The following CNTN5 variants were observed in gnomAD, a reference collection of about 807,000 sequenced individuals.
CNTN5 encodes contactin-5.
CNTN5 carries 77 observed loss-of-function variants against 129.1 expected under a neutral mutation model. The observed-to-expected ratio is 0.60, with a 90% CI of 0.50 to 0.72. The LOEUF is 0.72. Among genes scored for constraint, CNTN5 ranks in the 30% least tolerant of loss-of-function variants. The probability of loss-of-function intolerance (pLI) is 0.00; values close to 1 mark genes in which losing one functional copy is unlikely to be tolerated. For synonymous variants in CNTN5, 509 were observed against 465.6 expected, an observed-to-expected ratio of 1.09 and a Z score of -1.20; for missense variants, 1,478 against 1,328.8, an observed-to-expected ratio of 1.11 and a Z score of -1.75.
chr11:99,922,583 G>A (rs1181518735), intron 7 of CNTN5, among the ~76,000 whole-genome samples: 2 of 152,122 alleles, frequency 1.3e-5, no homozygotes, highest in Non-Finnish European at 2.9e-5. Flanking sequence ...TAGCATACTT[G>A]TTCAACTGAT....
chr11:99,216,100 G>A (rs755104515), intron 1 of CNTN5, among the ~76,000 whole-genome samples: 5 of 152,034 alleles, frequency 3.3e-5, no homozygotes, highest in Non-Finnish European at 7.4e-5. Flanking sequence ...ATGCTATTGA[G>A]TTGTAGATAT....
At chr11:99,397,036 AG>A (rs1280003702) in intron 2 of CNTN5, among the ~76,000 whole-genome samples, 2 of 151,798 alleles carry the variant, frequency 1.3e-5, no homozygotes, top group Non-Finnish European at 3.0e-5. Context: ...TCTAATAGAT[AG>A]GAAGATACAA....
intron 2 of CNTN5, among the ~76,000 whole-genome samples, chr11:99,453,035 TGTTA>T (rs1439003483): frequency 6.6e-6 from 1 of 152,224 alleles, no homozygotes; most frequent in Non-Finnish European, 1.5e-5. Flanking sequence ...TGTGCTGTGC[TGTTA>T]GTCACTTTGT....
chr11:99,922,767 T>A (rs1949970204), intron 7 of CNTN5, among the ~76,000 whole-genome samples: 1 of 152,230 alleles, frequency 6.6e-6, no homozygotes, highest in Admixed American at 6.5e-5. Flanking sequence ...CTTACCACCT[T>A]CCACTTCATA....
At chr11:99,382,844 A>AGTTTTTTTTTTTTTTTTTTTTTTTT (rs774797660) in intron 2 of CNTN5, among the ~76,000 whole-genome samples, 3 of 69,402 alleles carry the variant, frequency 4.3e-5, no homozygotes, top group African/African-American at 7.2e-5. Context: ...TCTCTAAATA[A>AGTTTTTTTTTTTTTTTTTTTTTTTT]CTTTTTTTTT....
chr11:100,291,210 GGGATCTAGAACTAGA>G (rs1468675077), intron 18 of CNTN5, among the ~76,000 whole-genome samples: 2 of 150,576 alleles, frequency 1.3e-5, no homozygotes, highest in Non-Finnish European at 3.0e-5. Context: ...CGATTCCTCA[GGGATCTAGAACTAGA>G]AATACCATTT....
At chr11:99,537,577 A>G (rs10736549) in intron 2 of CNTN5, among the ~76,000 whole-genome samples, 59,126 of 151,882 alleles carry the variant, frequency 0.39, 11,745 homozygotes, top group Non-Finnish European at 0.42. Flanking sequence ...AAAATTGTCT[A>G]TGCTTTCTCA....
intron 2 of CNTN5, among the ~76,000 whole-genome samples, chr11:99,488,930 CAG>C (rs71977358): frequency 0.22 from 32,718 of 151,880 alleles, 3,814 homozygotes; most frequent in Admixed American, 0.33. Flanking sequence ...GAAAAGCAAA[CAG>C]AAAGTATTAG....
At chr11:99,249,185 C>T (rs1861974288) in intron 1 of CNTN5, among the ~76,000 whole-genome samples, 1 of 151,940 alleles carries the variant, frequency 6.6e-6, no homozygotes. Context: ...CTTTCATGTC[C>T]CTTGTAAGTT....
intron 3 of CNTN5, among the ~76,000 whole-genome samples, chr11:99,563,485 A>C (rs1046901897): frequency 1.3e-5 from 2 of 152,232 alleles, no homozygotes; most frequent in East Asian, 3.9e-4. Flanking sequence ...CTTTATGCCC[A>C]ATGTACATGA....
chr11:99,359,792 T>G (rs1012416537), intron 2 of CNTN5, among the ~76,000 whole-genome samples: 2 of 152,036 alleles, frequency 1.3e-5, no homozygotes, highest in African/African-American at 4.8e-5. Context: ...TACGTGCTTC[T>G]GAAATGCAGT....
At chr11:99,031,871 T>A (rs1863398360) in intron 1 of CNTN5, among the ~76,000 whole-genome samples, 1 of 150,218 alleles carries the variant, frequency 6.7e-6, no homozygotes, top group Non-Finnish European at 1.5e-5. Flanking sequence ...ACCCATTAAC[T>A]CGTCATCTAG....
intron 6 of CNTN5, among the ~76,000 whole-genome samples, chr11:99,903,455 T>A (rs1290494390): frequency 6.6e-6 from 1 of 152,088 alleles, no homozygotes; most frequent in Non-Finnish European, 1.5e-5. Flanking sequence ...AAAATGCAGT[T>A]ATCAGGTTGA....
intron 1 of CNTN5, among the ~76,000 whole-genome samples, chr11:99,272,402 G>GA (rs1863216714): frequency 1.3e-5 from 2 of 151,242 alleles, no homozygotes; most frequent in Middle Eastern, 3.4e-3. Flanking sequence ...TTTAATCTAA[G>GA]AAAAAATAGT....
intron 2 of CNTN5, among the ~76,000 whole-genome samples, chr11:99,340,146 A>G (rs1049059260): frequency 6.6e-6 from 1 of 152,306 alleles, no homozygotes; most frequent in African/African-American, 2.4e-5. Context: ...CTAGACAACT[A>G]GAAACAAGAT....
chr11:99,921,011 G>A (rs1204367168), intron 7 of CNTN5, among the ~76,000 whole-genome samples: 1 of 152,216 alleles, frequency 6.6e-6, no homozygotes, highest in Non-Finnish European at 1.5e-5. Context: ...TCTACTGAAT[G>A]TGAGAAAACA....
chr11:99,106,094 A>G (rs1866980267), intron 1 of CNTN5, among the ~76,000 whole-genome samples: 1 of 152,100 alleles, frequency 6.6e-6, no homozygotes, highest in African/African-American at 2.4e-5. Context: ...TGAAAGAGGA[A>G]AACATTTGTC....
chr11:100,170,199 A>G (rs552517258), intron 13 of CNTN5, among the ~76,000 whole-genome samples: 2 of 152,120 alleles, frequency 1.3e-5, no homozygotes, highest in Non-Finnish European at 2.9e-5. Flanking sequence ...AAATATTACC[A>G]TCTCTCATTT....
intron 2 of CNTN5, among the ~76,000 whole-genome samples, chr11:99,406,685 G>A (rs1464259807): frequency 6.6e-6 from 1 of 152,148 alleles, no homozygotes; most frequent in Non-Finnish European, 1.5e-5. Flanking sequence ...TGCTATCTGG[G>A]AGCCAGGGAC....
Sources: allele counts gnomAD v4.1 joint callset (sites outside exome capture counted in the v4.1 genomes callset), GRCh38; gene constraint gnomAD v4.1.1; transcripts MANE v1.5; gene names NCBI Gene and HGNC (gene_info 2026-07-23, HGNC 2026-07-21).